EML6: variants seen among roughly 807,000 people sequenced by gnomAD.
EML6 encodes echinoderm microtubule-associated protein-like 6.
EML6 carries 154 observed loss-of-function variants against 240.1 expected under a neutral mutation model. The ratio of observed to expected loss-of-function variants is 0.64; its 90% confidence interval spans 0.56 to 0.73. The LOEUF is 0.73. Among genes scored for constraint, EML6 ranks in the 30% least tolerant of loss-of-function variants. EML6 has a pLI of 0.00. For missense variants in EML6, 2,964 were observed against 2,474.6 expected, an observed-to-expected ratio of 1.20 and a Z score of -4.20; for synonymous variants, 1,148 against 899.0, an observed-to-expected ratio of 1.28 and a Z score of -4.95.
chr2:54,810,576 T>A (rs1667784635), intron 2 of EML6, among the ~76,000 whole-genome samples: 1 of 152,224 alleles, frequency 6.6e-6, no homozygotes, highest in South Asian at 2.1e-4. Context: ...TAGTATAATT[T>A]ATATCTCTTG....
intron 34 of EML6, 117 bp from the exon 35 acceptor site, chr2:54,960,103 C>G: frequency 1.3e-6 from 1 of 762,874 alleles, no homozygotes; most frequent in Non-Finnish European, 2.2e-6. Context: ...AGGGTCTTTC[C>G]TTCTGGGCCC....
At chr2:54,946,511 C>G (rs961608490) in intron 28 of EML6, among the ~76,000 whole-genome samples, 2 of 152,328 alleles carry the variant, frequency 1.3e-5, no homozygotes, top group East Asian at 3.9e-4. Context: ...GGATTTAGAT[C>G]CACGGAAAAC....
chr2:54,746,933 C>CAGGAGT (rs748016414), intron 2 of EML6, among the ~76,000 whole-genome samples: 14 of 152,162 alleles, frequency 9.2e-5, no homozygotes, highest in Non-Finnish European at 1.8e-4. Context: ...GTAGATATCC[C>CAGGAGT]AGGAGTGTTT....
chr2:54,803,664 T>C (rs1378687173), intron 2 of EML6, among the ~76,000 whole-genome samples: 1 of 152,242 alleles, frequency 6.6e-6, no homozygotes, highest in South Asian at 2.1e-4. Context: ...TCAAAACGGC[T>C]TGAAGACTGC....
chr2:54,931,770 A>G (rs1674877172), intron 28 of EML6, among the ~76,000 whole-genome samples: 3 of 152,220 alleles, frequency 2.0e-5, no homozygotes, highest in Admixed American at 2.0e-4. Context: ...CACTCCACGC[A>G]GGGTCCTTAG....
intron 28 of EML6, among the ~76,000 whole-genome samples, chr2:54,947,040 A>G (rs527421168): frequency 1.3e-5 from 2 of 152,136 alleles, no homozygotes; most frequent in South Asian, 2.1e-4. Context: ...AATATATTAC[A>G]TATTATACAA....
Position 54,844,158 on chromosome 2 carries a change from T to C in EML6, c.959T>C (p.Leu320Pro). ...VRERDKPMLI[L>P]QGHCEGELWA... ...GAGCGAGACAAGCCGATGTTGATCC[T>C]ACAGGGCCACTGCGAGGGTGAGCTC... The change falls in exon 8 of 42, where the codon CTA becomes CCA. Residue 320 changes from leucine to proline, a missense_variant. By Grantham distance (98) the Leu-to-Pro change is moderately conservative (BLOSUM62 -3). Coordinates refer to ENST00000356458, the MANE Select transcript of EML6 (RefSeq NM_001039753.4). 1 of 1,551,742 alleles carries C rather than the reference T, an allele frequency of 6.4e-7. No individual in the cohort carries two copies. The highest frequency in any genetic ancestry group is 8.7e-7 in the Non-Finnish European group (1 of 1,146,998).
Position 54,957,775 on chromosome 2 carries a change from C to CT in EML6, c.4487-14dup. 1 of 1,549,074 alleles carries CT rather than the reference C, an allele frequency of 6.5e-7. No individual in the cohort carries two copies. Reference sequence around the variant, plus strand: ...AAGCAATGAGGAGCCTCACTGGACTCTGTCACCCACACAGGTGCCAAGGTT... The same window carrying CT: ...AAGCAATGAGGAGCCTCACTGGACTCTTGTCACCCACACAGGTGCCAAGGTT... On this transcript the variant is annotated splice_polypyrimidine_tract_variant and intron_variant, in intron 32 of 41. Transcript: ENST00000356458.
intron 31 of EML6, among the ~76,000 whole-genome samples, chr2:54,953,625 G>A (rs191465536): frequency 7.2e-5 from 11 of 152,226 alleles, no homozygotes; most frequent in Admixed American, 7.2e-4. Context: ...GGCGGCAGTG[G>A]CTCACATTTG....
rs6545454 is a variant in EML6 at position 54,895,452 on chromosome 2, A to G, written c.2982+52A>G. 600,447 of 1,536,996 alleles carry G rather than the reference A, an allele frequency of 0.39. 120,717 individuals are homozygous for G. Among genetic ancestry groups the G allele is most frequent in the Middle Eastern group, 0.49 (2,927 of 5,942 alleles). ...CAGTTCACATCAAGGCTGGGACTAG[A>G]GTGAGGCAAAGTTGATGCTTAGGTT... On this transcript the variant is annotated intron_variant, in intron 21 of 41. Transcript: ENST00000356458.
chr2:54,831,496 G>A (rs1668866488), intron 7 of EML6, among the ~76,000 whole-genome samples: 1 of 151,900 alleles, frequency 6.6e-6, no homozygotes, highest in Non-Finnish European at 1.5e-5. Flanking sequence ...TACAGAGTTA[G>A]GACAGTCAGC....
intron 28 of EML6, among the ~76,000 whole-genome samples, chr2:54,943,778 A>C (rs1045479461): frequency 6.6e-6 from 1 of 152,216 alleles, no homozygotes; most frequent in Non-Finnish European, 1.5e-5. Context: ...AACTCGATAT[A>C]TTAAAAAATA....
chr2:54,957,645 A>G lies in EML6; in HGVS notation c.4487-145A>G, dbSNP rs1406147560. On this transcript the variant is annotated intron_variant, in intron 32 of 41. Transcript: ENST00000356458. ...CACTTTCCCCGCTGCCACCTGGGGA[A>G]TAGTGTCTGAAGGGGAGAGAGTGCT... 6 of 695,110 alleles carry G rather than the reference A, an allele frequency of 8.6e-6. No homozygotes were observed. The African/African-American group carries it at 8.9e-5, about 10-fold the overall frequency. The allele number at this position is 695,110 out of a possible 1,614,324, so 43.1% of individuals were successfully genotyped here.
At chr2:54,798,416 GC>G (rs1553380707) in intron 2 of EML6, among the ~76,000 whole-genome samples, 1 of 152,078 alleles carries the variant, frequency 6.6e-6, no homozygotes, top group Non-Finnish European at 1.5e-5. Context: ...CTTGTGATCT[GC>G]CGGCCTCAGC....
chr2:54,877,331 C>T (rs1558640495), intron 16 of EML6, among the ~76,000 whole-genome samples: 2 of 152,126 alleles, frequency 1.3e-5, no homozygotes, highest in Non-Finnish European at 2.9e-5. Context: ...TCAATTTATA[C>T]CATCCACAGG....
At chr2:54,877,770 C>G (rs577882910) in intron 16 of EML6, among the ~76,000 whole-genome samples, 2 of 152,374 alleles carry the variant, frequency 1.3e-5, no homozygotes, top group East Asian at 1.9e-4. Flanking sequence ...TCATCTAATA[C>G]TACAGCCTAG....
At chr2:54,863,299 C>G (rs538924477) in intron 12 of EML6, among the ~76,000 whole-genome samples, 3 of 152,204 alleles carry the variant, frequency 2.0e-5, no homozygotes, top group Non-Finnish European at 4.4e-5. Flanking sequence ...TATCTGCTAT[C>G]TAATAGAAAT....
At chr2:54,749,486 TATC>T (rs1157491243) in intron 2 of EML6, among the ~76,000 whole-genome samples, 1 of 152,138 alleles carries the variant, frequency 6.6e-6, no homozygotes, top group Non-Finnish European at 1.5e-5. Context: ...TAATATATAT[TATC>T]GATGCAGAGA....
intron 2 of EML6, among the ~76,000 whole-genome samples, chr2:54,784,140 C>G (rs1371008547): frequency 6.6e-6 from 1 of 151,998 alleles, no homozygotes; most frequent in Admixed American, 6.6e-5. Context: ...AGATGGGGAT[C>G]TTGCTATGTT....
Sources: gnomAD v4.1 joint callset for allele counts (sites outside exome capture counted in the v4.1 genomes callset) on GRCh38, gnomAD v4.1.1 for gene constraint, MANE v1.5 for transcripts, NCBI Gene and HGNC (gene_info 2026-07-23, HGNC 2026-07-21) for gene names.